Variants in IFT74 observed in about 807,000 individuals in gnomAD.
The protein encoded by IFT74 is intraflagellar transport 74.
In IFT74, 92 loss-of-function variants were observed where a neutral mutation model predicts 96.7. That is an observed-to-expected ratio of 0.95 (90% CI 0.80 to 1.13). The LOEUF is 1.13. IFT74 is among the 50% of genes most tolerant of loss of function. The pLI is 0.00. For synonymous variants in IFT74, 223 were observed against 213.2 expected (o/e 1.05, Z -0.40); for missense variants, 811 against 698.2 (o/e 1.16, Z -1.82).
chr9:26,960,498 A>G (rs1225982480), intron 1 of IFT74, among the ~76,000 whole-genome samples: 1 of 152,192 alleles, frequency 6.6e-6, no homozygotes, highest in Non-Finnish European at 1.5e-5. Context: ...TTTTGTTTAA[A>G]TTTTATTTCA....
intron 1 of IFT74, among the ~76,000 whole-genome samples, chr9:26,959,183 A>G (rs1030052781): frequency 3.9e-5 from 6 of 152,136 alleles, no homozygotes; most frequent in African/African-American, 1.2e-4. Context: ...ATCTCAGCTC[A>G]CTGCAAGCTC....
At chr9:26,999,692 C>G (rs1332896559) in intron 8 of IFT74, 1 of 1,602,156 alleles carries the variant, frequency 6.2e-7, no homozygotes, top group Non-Finnish European at 8.5e-7. Context: ...CTGTGACTTT[C>G]ATGTTGCAGA....
chr9:27,048,383 A>G (rs779482759), intron 16 of IFT74, 109 bp downstream of exon 16: 59 of 699,830 alleles, frequency 8.4e-5, no homozygotes, highest in South Asian at 2.9e-4. Context: ...ATGATTGCCT[A>G]TTGCCCCAGA....
chr9:27,055,316 T>G (rs115013494), intron 16 of IFT74, among the ~76,000 whole-genome samples: 1 of 152,166 alleles, frequency 6.6e-6, no homozygotes, highest in East Asian at 1.9e-4. Flanking sequence ...TCTCATAATA[T>G]AGATTATATT....
At chr9:26,973,628 T>G (rs561681496) in intron 2 of IFT74, among the ~76,000 whole-genome samples, 4 of 152,344 alleles carry the variant, frequency 2.6e-5, no homozygotes, top group African/African-American at 9.6e-5. Flanking sequence ...AATAGATTAG[T>G]TCCCACCTCA....
intron 8 of IFT74, chr9:26,999,496 C>T (rs1828357618): frequency 1.4e-6 from 1 of 704,330 alleles, no homozygotes. Context: ...GCTAAATAAA[C>T]TCTTAATTTT....
At chr9:26,965,634 T>G (rs947407701) in intron 2 of IFT74, among the ~76,000 whole-genome samples, 1 of 152,138 alleles carries the variant, frequency 6.6e-6, no homozygotes, top group Non-Finnish European at 1.5e-5. Context: ...TGTTTATTTG[T>G]AAAATTTTAA....
At chr9:27,042,549 C>T (rs1587404438) in intron 13 of IFT74, among the ~76,000 whole-genome samples, 1 of 152,040 alleles carries the variant, frequency 6.6e-6, no homozygotes, top group African/African-American at 2.4e-5. Flanking sequence ...TTCATTGGAA[C>T]AGGAGGAGGA....
At chr9:27,039,687 TA>T (rs1159167791) in intron 13 of IFT74, among the ~76,000 whole-genome samples, 1 of 152,116 alleles carries the variant, frequency 6.6e-6, no homozygotes, top group Non-Finnish European at 1.5e-5. Context: ...TACAATATAT[TA>T]GGTATCATAA....
chr9:26,984,305 A>T lies in IFT74; in HGVS notation c.354A>T (p.Gly118=), dbSNP rs1458315887. The T allele has an allele frequency of 6.3e-7, 1 of 1,581,426 alleles. No homozygotes were observed. ...CTGAAGTTAATAAACTTCAGAAGGG[A>T]ATAGAAATGTACAATCAAGAGAATT... The part of the protein sequence containing the change: ...LTTEVNKLQK[G]IEMYNQENSV... Residue 118 remains glycine, a synonymous_variant, in exon 5 of 20, where the codon GGA becomes GGT. Coordinates refer to ENST00000380062, the MANE Select transcript of IFT74 (RefSeq NM_025103.4).
At chr9:26,961,111 G>C (rs908451114) in intron 1 of IFT74, among the ~76,000 whole-genome samples, 1 of 149,354 alleles carries the variant, frequency 6.7e-6, no homozygotes, top group Non-Finnish European at 1.5e-5. Flanking sequence ...TGGGTGGGGG[G>C]ATGGAGTCTC....
intron 2 of IFT74, among the ~76,000 whole-genome samples, chr9:26,970,453 A>C (rs1446287306): frequency 3.9e-5 from 6 of 152,226 alleles, no homozygotes. Flanking sequence ...TCAGCAATAT[A>C]TTATGAATAT....
At chr9:27,039,007 A>G (rs1157467726) in intron 13 of IFT74, among the ~76,000 whole-genome samples, 3 of 152,200 alleles carry the variant, frequency 2.0e-5, no homozygotes, top group Non-Finnish European at 4.4e-5. Flanking sequence ...CTTCCAGCAT[A>G]AATGATCTTT....
upstream of IFT74, chr9:26,956,198 A>C (rs1826083632): frequency 6.6e-6 from 1 of 152,236 alleles, no homozygotes; most frequent in Admixed American, 6.5e-5. Context: ...TTATCAAGAA[A>C]ACCAAACGTT....
chr9:27,027,058 T>C (rs1829898862), intron 12 of IFT74, among the ~76,000 whole-genome samples: 1 of 151,822 alleles, frequency 6.6e-6, no homozygotes, highest in Non-Finnish European at 1.5e-5. Flanking sequence ...ATAAACAAAA[T>C]TGATAGACCA....
At chr9:27,006,175 A>AT (rs1828766252) in intron 8 of IFT74, among the ~76,000 whole-genome samples, 1 of 152,158 alleles carries the variant, frequency 6.6e-6, no homozygotes, top group Non-Finnish European at 1.5e-5. Context: ...CTCTTTGAAA[A>AT]TTTTATTAAA....
At chr9:27,027,086 G>A (rs991073246) in intron 12 of IFT74, among the ~76,000 whole-genome samples, 1 of 151,962 alleles carries the variant, frequency 6.6e-6, no homozygotes, top group African/African-American at 2.4e-5. Flanking sequence ...GATTAATCAA[G>A]AAAAGAAGAG....
intron 10 of IFT74, among the ~76,000 whole-genome samples, chr9:27,013,217 C>A (rs751607018): frequency 3.3e-5 from 5 of 152,126 alleles, no homozygotes; most frequent in Non-Finnish European, 5.9e-5. Flanking sequence ...CTAGCTGCAG[C>A]TTTCTTTTTT....
chr9:27,040,544 C>CAAAAAAAAAAAAAAAAAA (rs751893169), intron 13 of IFT74, among the ~76,000 whole-genome samples: 15 of 62,090 alleles, frequency 2.4e-4, no homozygotes, highest in African/African-American at 7.9e-4. Context: ...GACACTGTCT[C>CAAAAAAAAAAAAAAAAAA]AAAAAAAAAA....
Sources: gnomAD v4.1 joint callset for allele counts (sites outside exome capture counted in the v4.1 genomes callset) on GRCh38, gnomAD v4.1.1 for gene constraint, MANE v1.5 for transcripts, NCBI Gene and HGNC (gene_info 2026-07-23, HGNC 2026-07-21) for gene names.